The following NOL4L variants were observed in gnomAD, a reference collection of about 807,000 sequenced individuals.
NOL4L encodes nucleolar protein 4 like.
In NOL4L, 7 loss-of-function variants were observed where a neutral mutation model predicts 64.5. That is an observed-to-expected ratio of 0.11 (90% CI 0.06 to 0.20). NOL4L has a LOEUF of 0.20. Ranked by LOEUF, NOL4L falls within the 10% of genes least tolerant of loss-of-function variation. NOL4L has a pLI of 1.00. For synonymous variants in NOL4L, 413 were observed against 401.0 expected (o/e 1.03, Z -0.36); for missense variants, 680 against 967.1 (o/e 0.70, Z 3.94).
intron 1 of NOL4L, chr20:32,536,995 C>T: frequency 1.1e-6 from 1 of 914,660 alleles, no homozygotes; most frequent in Non-Finnish European, 1.3e-6. Context: ...GCTGCGCGCG[C>T]GCCCGCCGGC....
At chr20:32,576,970 G>A (rs765637890) in intron 1 of NOL4L, among the ~76,000 whole-genome samples, 5 of 152,172 alleles carry the variant, frequency 3.3e-5, no homozygotes, top group Admixed American at 6.5e-5. Context: ...GGGTCCTCCC[G>A]TGCCCCTGCC....
intron 5 of NOL4L, among the ~76,000 whole-genome samples, chr20:32,459,995 C>G (rs187608023): frequency 6.6e-6 from 1 of 152,294 alleles, no homozygotes; most frequent in East Asian, 1.9e-4. Flanking sequence ...GCCAGACGGA[C>G]AAGGATACTC....
intron 4 of NOL4L, among the ~76,000 whole-genome samples, chr20:32,500,713 C>CA (rs1428269604): frequency 1.3e-5 from 2 of 151,978 alleles, no homozygotes; most frequent in Non-Finnish European, 2.9e-5. Context: ...TGGAGTCTTA[C>CA]AGTGCCAGAA....
At chr20:32,528,817 A>G (rs1037246213) in intron 1 of NOL4L, among the ~76,000 whole-genome samples, 2 of 152,240 alleles carry the variant, frequency 1.3e-5, no homozygotes, top group Non-Finnish European at 2.9e-5. Context: ...GCTGTCAGCC[A>G]CCAGCTCCTT....
At chr20:32,488,833 T>TTC (rs1213378140) in intron 4 of NOL4L, among the ~76,000 whole-genome samples, 3 of 63,570 alleles carry the variant, frequency 4.7e-5, no homozygotes, top group South Asian at 5.1e-4. Flanking sequence ...TTCTTTTTCT[T>TTC]TCTTTCTTTC....
Position 32,453,408 on chromosome 20 carries a change from C to T in NOL4L, c.1393G>A (p.Glu465Lys). Residue 465 changes from glutamate to lysine, a missense_variant, in exon 8 of 11, where the codon GAG becomes AAG. Coordinates refer to ENST00000621426, the MANE Select transcript of NOL4L (RefSeq NM_001256798.2). The surrounding 1 kb of genome is among the most constrained non-coding windows in gnomAD (Gnocchi z 5.6). ...TCAGGGAACTGCCGGCTGCAGGACT[C>T]GATGATGGCCTGGATCTTCTCCTTG... ...QPKEKIQAII[E>K]SCSRQFPEFQ... The T allele has an allele frequency of 1.2e-6, 2 of 1,614,088 alleles. No homozygotes were observed. The highest frequency in any genetic ancestry group is 8.5e-7 in the Non-Finnish European group (1 of 1,180,022).
chr20:32,562,185 C>T (rs1247709891), intron 1 of NOL4L, among the ~76,000 whole-genome samples: 1 of 152,120 alleles, frequency 6.6e-6, no homozygotes, highest in East Asian at 1.9e-4. Context: ...AGAACTGAGG[C>T]TCCAGGAGGA....
At chr20:32,470,420 C>G (rs2014926605) in intron 5 of NOL4L, among the ~76,000 whole-genome samples, 1 of 152,258 alleles carries the variant, frequency 6.6e-6, no homozygotes, top group Non-Finnish European at 1.5e-5. Context: ...CACCCCAGCA[C>G]CTGCGTGGTG....
chr20:32,583,431 G>C (rs926146381), intron 1 of NOL4L, among the ~76,000 whole-genome samples: 4 of 149,100 alleles, frequency 2.7e-5, no homozygotes, highest in East Asian at 2.0e-4. Context: ...CGGGGCGGGC[G>C]GGCCGGCCGG....
intron 1 of NOL4L, among the ~76,000 whole-genome samples, chr20:32,557,982 G>A (rs1978768873): frequency 6.6e-6 from 1 of 152,196 alleles, no homozygotes; most frequent in African/African-American, 2.4e-5. Context: ...AGCCTGGGGA[G>A]GTGGAGGCTG....
At chr20:32,473,754 G>A (rs943905401) in intron 5 of NOL4L, among the ~76,000 whole-genome samples, 4 of 152,050 alleles carry the variant, frequency 2.6e-5, no homozygotes, top group Non-Finnish European at 5.9e-5. Context: ...TCCAGGCCTC[G>A]ACCTTCAACC....
intron 5 of NOL4L, among the ~76,000 whole-genome samples, chr20:32,462,950 G>A (rs559395966): frequency 3.4e-4 from 48 of 140,356 alleles, no homozygotes; most frequent in Admixed American, 2.9e-3. Context: ...ATCGACAGGC[G>A]CACAAACCCT....
chr20:32,462,518 C>G (rs549355137), intron 5 of NOL4L, among the ~76,000 whole-genome samples: 16 of 152,100 alleles, frequency 1.1e-4, no homozygotes, highest in Admixed American at 9.8e-4. Context: ...CAGGAGAACG[C>G]GCCTGTCACT....
At chr20:32,536,666 A>C (rs949350205) in intron 1 of NOL4L, among the ~76,000 whole-genome samples, 4 of 149,268 alleles carry the variant, frequency 2.7e-5, no homozygotes, top group Admixed American at 6.6e-5. Context: ...CACCAGAGGA[A>C]GTGTATTCTG....
intron 1 of NOL4L, among the ~76,000 whole-genome samples, chr20:32,538,262 C>G (rs1415392383): frequency 6.6e-6 from 1 of 152,196 alleles, no homozygotes; most frequent in Non-Finnish European, 1.5e-5. Flanking sequence ...AGGGTTCAGT[C>G]CCCTCAGGCC....
chr20:32,451,990 G>A (rs970839840), intron 10 of NOL4L, among the ~76,000 whole-genome samples: 1 of 152,236 alleles, frequency 6.6e-6, no homozygotes, highest in African/African-American at 2.4e-5. Flanking sequence ...GTCACTGGCG[G>A]TGAGAAGGGG....
chr20:32,483,603 GGGGGCACCGGGCACGGGGAGGCGGGAGA>G, intron 4 of NOL4L: 1 of 672,066 alleles, frequency 1.5e-6, no homozygotes, highest in Non-Finnish European at 1.8e-6. Flanking sequence ...GGAAGGGGGA[GGGGGCACCGGGCACGGGGAGGCGGGAGA>G]GGGGGCGGGA....
intron 1 of NOL4L, among the ~76,000 whole-genome samples, chr20:32,558,944 G>A (rs1261704736): frequency 6.6e-6 from 1 of 152,204 alleles, no homozygotes; most frequent in East Asian, 1.9e-4. Context: ...ACCAGTGCAA[G>A]GGAAGGTGAG....
At chr20:32,493,182 A>C (rs2016535375) in intron 4 of NOL4L, among the ~76,000 whole-genome samples, 3 of 152,032 alleles carry the variant, frequency 2.0e-5, no homozygotes, top group Admixed American at 1.3e-4. Context: ...AGGTGAGGAG[A>C]GGTAAGGACC....
Sources: gnomAD v4.1 joint callset for allele counts (sites outside exome capture counted in the v4.1 genomes callset) on GRCh38, gnomAD v4.1.1 for gene constraint, Gnocchi (gnomAD v3.1) non-coding constraint, MANE v1.5 for transcripts, NCBI Gene and HGNC (gene_info 2026-07-23, HGNC 2026-07-21) for gene names.